Variants in IFFO2 observed in about 807,000 individuals in gnomAD.
IFFO2 encodes the protein intermediate filament family orphan 2.
In IFFO2, 19 loss-of-function variants were observed where a neutral mutation model predicts 53.5. The observed-to-expected ratio is 0.36, with a 90% confidence interval of 0.25 to 0.52. The LOEUF (loss-of-function observed/expected upper bound fraction) is 0.52, where lower values mean the gene tolerates loss of function less well. Among genes scored for constraint, IFFO2 ranks in the 20% least tolerant of loss-of-function variants. The pLI is 0.94. For missense variants in IFFO2, 570 were observed against 727.4 expected, an observed-to-expected ratio of 0.78 and a Z score of 2.49; for synonymous variants, 303 against 313.6, an observed-to-expected ratio of 0.97 and a Z score of 0.36.
intron 1 of IFFO2, among the ~76,000 whole-genome samples, chr1:18,931,005 T>A (rs375366133): frequency 4.1e-4 from 63 of 152,104 alleles, no homozygotes; most frequent in African/African-American, 1.4e-3. Context: ...ATCCCATCCC[T>A]ACAAAAAATT....
At chr1:18,929,320 C>G (rs1390400487) in intron 1 of IFFO2, among the ~76,000 whole-genome samples, 2 of 152,138 alleles carry the variant, frequency 1.3e-5, no homozygotes, top group East Asian at 3.9e-4. Flanking sequence ...ATGCTCTTCA[C>G]CGGTGTCACC....
chr1:18,930,189 T>G (rs1014920181), intron 1 of IFFO2, among the ~76,000 whole-genome samples: 1 of 152,154 alleles, frequency 6.6e-6, no homozygotes, highest in Non-Finnish European at 1.5e-5. Flanking sequence ...GAATAGCATA[T>G]GAAAAGTGCC....
At chr1:18,913,870 G>T (rs542327549) in intron 5 of IFFO2, among the ~76,000 whole-genome samples, 2 of 152,226 alleles carry the variant, frequency 1.3e-5, no homozygotes, top group South Asian at 2.1e-4. Context: ...TCTCGCTGTC[G>T]CCCAGGCTGG....
chr1:18,921,854 G>A (rs957349196), intron 1 of IFFO2, among the ~76,000 whole-genome samples: 3 of 152,048 alleles, frequency 2.0e-5, no homozygotes, highest in Non-Finnish European at 4.4e-5. Flanking sequence ...AATAGGAAAC[G>A]CGGGCGGGAG....
At chr1:18,942,629 A>G (rs1936535253) in intron 1 of IFFO2, among the ~76,000 whole-genome samples, 1 of 152,224 alleles carries the variant, frequency 6.6e-6, no homozygotes, top group Non-Finnish European at 1.5e-5. Flanking sequence ...ACGGGCCAAC[A>G]GGAAACATGA....
At chr1:18,939,316 C>T (rs2148184435) in intron 1 of IFFO2, among the ~76,000 whole-genome samples, 1 of 152,340 alleles carries the variant, frequency 6.6e-6, no homozygotes, top group East Asian at 1.9e-4. Flanking sequence ...GCAGGGACCA[C>T]CAGGCCAGAG....
intron 5 of IFFO2, among the ~76,000 whole-genome samples, chr1:18,915,923 G>A (rs1176557397): frequency 6.6e-6 from 1 of 152,014 alleles, no homozygotes; most frequent in African/African-American, 2.4e-5. Flanking sequence ...TCAGGAGTTC[G>A]AGACCAGCCT....
At chr1:18,921,269 G>C (rs1384498087) in intron 1 of IFFO2, 148 bp from the exon 2 acceptor site, 4 of 707,032 alleles carry the variant, frequency 5.7e-6, no homozygotes, top group Non-Finnish European at 1.0e-5. Flanking sequence ...TGCCCTCTGG[G>C]AGCTCCCAGC....
chr1:18,921,225 G>C (rs560944217), intron 1 of IFFO2, 104 bp from the exon 2 acceptor site: 17 of 1,033,314 alleles, frequency 1.6e-5, no homozygotes, highest in Middle Eastern at 2.0e-4. Flanking sequence ...CTTGAGCTGG[G>C]CAAGGAAGGT....
intron 5 of IFFO2, among the ~76,000 whole-genome samples, chr1:18,913,031 G>A (rs1055762028): frequency 3.3e-5 from 5 of 152,182 alleles, no homozygotes; most frequent in African/African-American, 7.2e-5. Context: ...TCAGTGCATC[G>A]GTAGCACAGG....
At position 18,955,908 on chromosome 1, in the gene IFFO2, C is replaced by T; in HGVS notation, c.425G>A (p.Gly142Asp). ...GTGCGAGCCGCCGCCGGGGGGCAGG[C>T]CGCCCAGGGCCACGGCATTGGCGTT... ...GANANAVALGGLPPGGGSHPQ... is the reference protein window; with the variant it reads ...GANANAVALGDLPPGGGSHPQ... The change falls in exon 1 of 9, where the codon GGC becomes GAC. Residue 142 changes from glycine to aspartate, a missense_variant. Transcript: ENST00000455833. 1 of 1,332,588 alleles carries T rather than the reference C, an allele frequency of 7.5e-7. No homozygotes were observed. Among genetic ancestry groups the T allele is most frequent in the Non-Finnish European group, 9.5e-7 (1 of 1,050,526 alleles). 82.5% of individuals were successfully genotyped at this position (1,332,588 alleles called of 1,614,324 possible).
At position 18,919,784 on chromosome 1, in the gene IFFO2, G is replaced by C. The variant is rs969515466; in HGVS notation, c.727-11C>G. ...AGCCTCCTGTGCTGCCTGCGGGGAC[G>C]GAGATGGGGAGGCTTCAGAGGGGCC... On this transcript the variant is annotated splice_polypyrimidine_tract_variant and intron_variant, in intron 2 of 8. Transcript: ENST00000455833. The surrounding 1 kb of genome is among the most constrained non-coding windows in gnomAD (Gnocchi z 4.9). 4.1e-5 allele frequency: 63 copies of C among 1,541,330 alleles called. No homozygotes were observed. The African/African-American group carries it at 7.1e-4, about 17-fold the overall frequency.
At chr1:18,942,988 G>A (rs1466289004) in intron 1 of IFFO2, among the ~76,000 whole-genome samples, 1 of 151,890 alleles carries the variant, frequency 6.6e-6, no homozygotes, top group African/African-American at 2.4e-5. Flanking sequence ...ACAGGCTCGT[G>A]CCACCACACC....
chr1:18,916,772 C>CA lies in IFFO2; in HGVS notation c.1103+130dup, dbSNP rs34630758. ...TGGGTGACAAAGTGAGACCCTGTCT[C>CA]AAAAAAAAAAAGGAAATGAATTCAA... On this transcript the variant is annotated intron_variant, in intron 5 of 8. Coordinates refer to ENST00000455833, the MANE Select transcript of IFFO2 (RefSeq NM_001136265.2). The surrounding 1 kb of genome is among the most constrained non-coding windows in gnomAD (Gnocchi z 4.3). 0.064 allele frequency: 57,085 copies of CA among 892,664 alleles called. 6 individuals carry two copies. Among genetic ancestry groups the CA allele is most frequent in the East Asian group, 0.088 (2,428 of 27,570 alleles). The allele number at this position is 892,664 out of a possible 1,614,324, so 55.3% of individuals were successfully genotyped here. A position where few individuals can be genotyped will look rare whatever the true frequency, so the allele number is the denominator to read the frequency against.
chr1:18,950,657 A>G (rs1408222066), intron 1 of IFFO2, among the ~76,000 whole-genome samples: 1 of 152,206 alleles, frequency 6.6e-6, no homozygotes, highest in East Asian at 1.9e-4. Context: ...GAAAGTGTCA[A>G]TGGGAGTGGC....
intron 1 of IFFO2, among the ~76,000 whole-genome samples, chr1:18,955,076 G>T (rs1261272227): frequency 6.6e-6 from 1 of 152,214 alleles, no homozygotes; most frequent in African/African-American, 2.4e-5. Context: ...GGTAGGGGCA[G>T]ATCCATCCAT....
At chr1:18,911,277 A>T (rs868190128) in intron 7 of IFFO2, 107 bp downstream of exon 7, 6 of 510,254 alleles carry the variant, frequency 1.2e-5, no homozygotes, top group Middle Eastern at 3.7e-4. Flanking sequence ...CGCCTGCCCC[A>T]CTCTACCAGC....
Position 18,919,270 on chromosome 1 carries a change from G to A in IFFO2, c.822+408C>T, listed in dbSNP as rs887703638. ...TCATGGAGCAACCCTGCCAAAGGCCGCTGGGCCTGCGAGTCTCTCAGGCCC... is the reference window on the plus strand; with the variant it reads ...TCATGGAGCAACCCTGCCAAAGGCCACTGGGCCTGCGAGTCTCTCAGGCCC... On this transcript the variant is annotated intron_variant, in intron 3 of 8. Transcript: ENST00000455833. This position sits in a 1 kb window ranked among gnomAD's most constrained non-coding sequence, Gnocchi z 4.9. 1.3e-5 allele frequency among the ~76,000 whole-genome samples: 2 copies of A among 152,150 alleles called. No homozygotes were observed. Among genetic ancestry groups the A allele is most frequent in the East Asian group, 1.9e-4 (1 of 5,196 alleles).
In IFFO2 at chr1:18,956,222, C is replaced by A. The variant is rs753716581; in HGVS notation, c.111G>T (p.Pro37=). Residue 37 remains proline (P), a synonymous_variant, in exon 1 of 9, where the codon CCG becomes CCT. Coordinates refer to ENST00000455833, the MANE Select transcript of IFFO2 (RefSeq NM_001136265.2). This position sits in a 1 kb window ranked among gnomAD's most constrained non-coding sequence, Gnocchi z 6.4. ...GGGGGGGGAG[P]GPSPVTAALR... ...GCGCCGCCGTCACCGGCGACGGACC[C>A]GGCCCTGCCCCGCCGCCGCCGCCGC... 1,840 of 1,293,746 alleles carry A rather than the reference C, an allele frequency of 1.4e-3. 6 individuals carry two copies. The highest frequency in any genetic ancestry group is 4.7e-3 in the South Asian group (297 of 62,794). The allele number at this position is 1,293,746 out of a possible 1,614,324, so 80.1% of individuals were successfully genotyped here. A position where few individuals can be genotyped will look rare whatever the true frequency, so the allele number is the denominator to read the frequency against.
Sources: gnomAD v4.1 joint callset for allele counts (sites outside exome capture counted in the v4.1 genomes callset) on GRCh38, gnomAD v4.1.1 for gene constraint, Gnocchi (gnomAD v3.1) non-coding constraint, MANE v1.5 for transcripts, NCBI Gene and HGNC (gene_info 2026-07-23, HGNC 2026-07-21) for gene names.